Variants in PROX2 observed in about 807,000 individuals in gnomAD.
The protein encoded by PROX2 is prospero homeobox protein 2.
Under a neutral mutation model 48.9 loss-of-function variants are expected in PROX2, and 46 were observed. That is an observed-to-expected ratio of 0.94 (90% confidence interval 0.74 to 1.20). The LOEUF (loss-of-function observed/expected upper bound fraction) is 1.20, where lower values mean the gene tolerates loss of function less well. Ranked by LOEUF, PROX2 falls within the 50% of genes most tolerant of loss-of-function variation. PROX2 has a pLI of 0.00. For missense variants in PROX2, 663 were observed against 719.4 expected (o/e 0.92, Z 0.90); for synonymous variants, 260 against 276.6 (o/e 0.94, Z 0.60).
chr14:74,861,346 G>T, intron 3 of PROX2: 1 of 660,108 alleles, frequency 1.5e-6, no homozygotes, highest in Non-Finnish European at 2.5e-6. Context: ...AGTTCTGCAA[G>T]ATGCTTGTTA....
chr14:74,872,731 C>T (rs1273554328), intron 1 of PROX2, among the ~76,000 whole-genome samples: 1 of 152,234 alleles, frequency 6.6e-6, no homozygotes, highest in Non-Finnish European at 1.5e-5. Context: ...GCCCCCTGCA[C>T]TGTCCCCACT....
At chr14:74,872,204 T>A (rs1883232594) in intron 1 of PROX2, among the ~76,000 whole-genome samples, 1 of 152,232 alleles carries the variant, frequency 6.6e-6, no homozygotes. Context: ...AGATGCTAAC[T>A]CATTCTCATC....
intron 2 of PROX2, among the ~76,000 whole-genome samples, chr14:74,866,712 A>G (rs947174778): frequency 6.6e-6 from 1 of 152,214 alleles, no homozygotes; most frequent in African/African-American, 2.4e-5. Context: ...GAGGACAAGA[A>G]GAGGAGTAGG....
intron 2 of PROX2, among the ~76,000 whole-genome samples, chr14:74,865,814 G>A (rs1474682972): frequency 1.3e-5 from 2 of 150,576 alleles, no homozygotes; most frequent in Non-Finnish European, 3.0e-5. Context: ...CTGGGCAACA[G>A]AGCGAGACTC....
intron 2 of PROX2, among the ~76,000 whole-genome samples, chr14:74,868,316 T>C (rs1883118893): frequency 2.0e-4 from 2 of 9,866 alleles, no homozygotes; most frequent in Non-Finnish European, 3.7e-4. Flanking sequence ...CTCGTAATTA[T>C]ATATATATAT....
intron 3 of PROX2, among the ~76,000 whole-genome samples, chr14:74,861,924 C>T (rs768491442): frequency 3.3e-5 from 5 of 152,134 alleles, no homozygotes; most frequent in African/African-American, 1.2e-4. Context: ...GGCTGACAAC[C>T]AAATTATGGA....
intron 1 of PROX2, chr14:74,873,859 G>C (rs1883274663): frequency 2.2e-6 from 1 of 448,230 alleles, no homozygotes; most frequent in Non-Finnish European, 4.4e-6. Context: ...GCAGATCTAG[G>C]CTGTAGTGGT....
At chr14:74,866,443 T>A (rs140724103) in intron 2 of PROX2, among the ~76,000 whole-genome samples, 3 of 152,066 alleles carry the variant, frequency 2.0e-5, no homozygotes, top group Non-Finnish European at 4.4e-5. Context: ...CACAGGGACA[T>A]GAAGAGGCTG....
chr14:74,855,700 T>G, intron 5 of PROX2: 1 of 155,266 alleles, frequency 6.4e-6, no homozygotes, highest in Non-Finnish European at 1.4e-5. Flanking sequence ...TCATACCTCA[T>G]TCCACTGCCT....
intron 2 of PROX2, among the ~76,000 whole-genome samples, 155 bp downstream of exon 2, chr14:74,870,948 A>T (rs1052791929): frequency 6.6e-6 from 1 of 152,178 alleles, no homozygotes; most frequent in Non-Finnish European, 1.5e-5. Context: ...AGGCTGAGGC[A>T]GGGGAATTGC....
At chr14:74,869,245 G>C (rs956825562) in intron 2 of PROX2, among the ~76,000 whole-genome samples, 3 of 151,990 alleles carry the variant, frequency 2.0e-5, no homozygotes, top group Non-Finnish European at 4.4e-5. Context: ...CAACTGACTG[G>C]GGGTAGAGAG....
At position 74,862,999 on chromosome 14, in the gene PROX2, C is replaced by G. The variant is rs1425541690; in HGVS notation, c.836G>C (p.Cys279Ser). ...GGCAGCCAAAGCAAGTGGATCTTTA[C>G]AGGCCCCTCCCACAGGAGGTGAGGG... ...SEPSPPVGGA[C>S]KDPLALAALP... Residue 279 changes from cysteine to serine, a missense_variant, in exon 3 of 6, where the codon TGT (cysteine) becomes TCT (serine). Physicochemically the swap from Cys to Ser is moderately radical, Grantham distance 112. Coordinates refer to ENST00000556489, the MANE Select transcript of PROX2 (RefSeq NM_001243007.2). The G allele has an allele frequency of 6.2e-7, 1 of 1,614,010 alleles. No homozygotes were observed. The highest frequency in any genetic ancestry group is 8.5e-7 in the Non-Finnish European group (1 of 1,179,882).
At chr14:74,860,397 TAGG>T (rs2091785276) in intron 3 of PROX2, among the ~76,000 whole-genome samples, 1 of 151,754 alleles carries the variant, frequency 6.6e-6, no homozygotes, top group African/African-American at 2.4e-5. Flanking sequence ...GCATCATTCT[TAGG>T]GGGGGAAAAT....
intron 2 of PROX2, among the ~76,000 whole-genome samples, chr14:74,870,725 T>A (rs1594864348): frequency 6.6e-6 from 1 of 152,140 alleles, no homozygotes; most frequent in East Asian, 1.9e-4. Context: ...AATTTTGCTG[T>A]GAACCTAAAA....
intron 3 of PROX2, among the ~76,000 whole-genome samples, chr14:74,861,656 C>G (rs1172348623): frequency 6.6e-6 from 1 of 152,200 alleles, no homozygotes; most frequent in Non-Finnish European, 1.5e-5. Flanking sequence ...ATGCCCAGCC[C>G]CTAGTCTCCA....
intron 2 of PROX2, 44 bp downstream of exon 2, chr14:74,871,055 AATAG>A (rs1314445974): frequency 1.3e-5 from 2 of 151,412 alleles, no homozygotes; most frequent in African/African-American, 4.9e-5. Context: ...AAAATAAATA[AATAG>A]ATAGATAAAT....
At chr14:74,874,500 C>G (rs555246809) in intron 1 of PROX2, among the ~76,000 whole-genome samples, 1 of 152,100 alleles carries the variant, frequency 6.6e-6, no homozygotes, top group African/African-American at 2.4e-5. Context: ...ATCCACCCAC[C>G]TCGGCCTCCC....
Position 74,863,556 on chromosome 14 carries a change from T to C in PROX2, c.279A>G (p.Pro93=), listed in dbSNP as rs189269863. 1 of 1,613,510 alleles carries C rather than the reference T, an allele frequency of 6.2e-7. No homozygotes were observed. The highest frequency in any genetic ancestry group is 8.5e-7 in the Non-Finnish European group (1 of 1,179,686). Residue 93 remains proline (P), a synonymous_variant, in exon 3 of 6, where the codon CCA becomes CCG. Transcript: ENST00000556489. ...VPGNAQAGVS[P]RCPKKARERK... ...TCTCTCGGGCCTTCTTTGGGCAGCGTGGGCTGACCCCAGCTTGCGCATTGC... is the reference window on the plus strand; with the variant it reads ...TCTCTCGGGCCTTCTTTGGGCAGCGCGGGCTGACCCCAGCTTGCGCATTGC...
rs376935828 is a variant in PROX2 at position 74,863,660 on chromosome 14, C to T, written c.175G>A (p.Glu59Lys). 1.3e-5 allele frequency: 20 copies of T among 1,568,792 alleles called. No individual in the cohort carries two copies. In the South Asian group the frequency reaches 2.4e-4, roughly 19 times the overall value. Reference sequence around the variant, plus strand: ...CTGGCCCTCTTTGCCTGGATGTGCTCATCACCAAACCATTCGGGGTCTGTA... The same window carrying T: ...CTGGCCCTCTTTGCCTGGATGTGCTTATCACCAAACCATTCGGGGTCTGTA... ...SPTDPEWFGD[E>K]HIQAKRARVE... Residue 59 changes from glutamate to lysine, a missense_variant, in exon 3 of 6, where the codon GAG (glutamate) becomes AAG (lysine). Physicochemically the swap from Glu to Lys is moderately conservative, Grantham distance 56. Transcript: ENST00000556489.
Sources: allele counts gnomAD v4.1 joint callset (sites outside exome capture counted in the v4.1 genomes callset), GRCh38; gene constraint gnomAD v4.1.1; transcripts MANE v1.5; gene names NCBI Gene and HGNC (gene_info 2026-07-23, HGNC 2026-07-21).